Variants in MMP16 observed in about 807,000 individuals in gnomAD.
The protein encoded by MMP16 is matrix metallopeptidase 16, also known as matrix metalloproteinase-16.
In MMP16, 12 loss-of-function variants were observed where a neutral mutation model predicts 67.8. That is an observed-to-expected ratio of 0.18 (90% CI 0.11 to 0.29). The LOEUF is 0.29. Ranked by LOEUF, MMP16 falls within the 10% of genes least tolerant of loss-of-function variation. The pLI, the probability that MMP16 is intolerant of heterozygous loss-of-function variation, is 1.00. For synonymous variants in MMP16, 249 were observed against 255.9 expected, an observed-to-expected ratio of 0.97 and a Z score of 0.26; for missense variants, 475 against 765.7, an observed-to-expected ratio of 0.62 and a Z score of 4.48.
chr8:88,131,161 T>C (rs1808022164), intron 4 of MMP16, among the ~76,000 whole-genome samples: 2 of 151,760 alleles, frequency 1.3e-5, no homozygotes, highest in South Asian at 4.1e-4. Flanking sequence ...AAAGGCTTGG[T>C]GTAAATAACT....
Position 88,186,418 on chromosome 8 carries a change from C to A in MMP16, c.404+58G>T, listed in dbSNP as rs535067225. 6.3e-6 allele frequency: 10 copies of A among 1,598,496 alleles called. No homozygotes were observed. In the Admixed American group the frequency reaches 1.3e-4, roughly 21 times the overall value. On this transcript the variant is annotated intron_variant, in intron 3 of 9. Coordinates refer to ENST00000286614, the MANE Select transcript of MMP16 (RefSeq NM_005941.5). ...GTGCAGAAGATACTAAACTATGTGT[C>A]AAAACAAATAGTAATGAAATATGGG...
intron 6 of MMP16, among the ~76,000 whole-genome samples, chr8:88,104,936 A>C (rs1247220288): frequency 1.3e-5 from 2 of 151,574 alleles, no homozygotes; most frequent in Non-Finnish European, 3.0e-5. Context: ...AAGTTACAGT[A>C]AGCTAAGGTT....
At chr8:88,180,470 T>TA (rs992650744) in intron 3 of MMP16, among the ~76,000 whole-genome samples, 4 of 151,950 alleles carry the variant, frequency 2.6e-5, no homozygotes, top group Non-Finnish European at 5.9e-5. Context: ...TTATGCACAT[T>TA]AAAAAAACTA....
chr8:88,158,328 C>CACCT, intron 4 of MMP16, among the ~76,000 whole-genome samples: 1 of 152,294 alleles, frequency 6.6e-6, no homozygotes, highest in African/African-American at 2.4e-5. Context: ...TCCTCTCCAG[C>CACCT]ACCTGTTGTT....
intron 3 of MMP16, among the ~76,000 whole-genome samples, chr8:88,174,943 G>A (rs532958475): frequency 2.3e-3 from 349 of 152,036 alleles, no homozygotes; most frequent in African/African-American, 8.1e-3. Context: ...TAGTAGAGAT[G>A]GGGTTTCACC....
chr8:88,079,675 A>G (rs974843882), intron 6 of MMP16, among the ~76,000 whole-genome samples: 1 of 152,176 alleles, frequency 6.6e-6, no homozygotes, highest in Admixed American at 6.5e-5. Flanking sequence ...TGTCCCTTCA[A>G]ATTCTTATGT....
chr8:88,201,749 A>C lies in MMP16; in HGVS notation c.133-4443T>G, dbSNP rs868342254. ...TTTTCAGTATGAGACTTATAAACGC[A>C]CTGGCTAAATTTTGTTACAAAGTAA... On this transcript the variant is annotated intron_variant, in intron 1 of 9. Transcript: ENST00000286614. Among the ~76,000 whole-genome samples the C allele has an allele frequency of 1.3e-5, 2 of 152,256 alleles. 1 individual carries two copies.
At chr8:88,245,008 A>C (rs1162101016) in intron 1 of MMP16, among the ~76,000 whole-genome samples, 2 of 152,108 alleles carry the variant, frequency 1.3e-5, no homozygotes, top group Non-Finnish European at 2.9e-5. Flanking sequence ...GGGTAGGGGC[A>C]GGTGGTTAAG....
In MMP16 at chr8:88,174,578, T is replaced by C. The variant is rs77927250; in HGVS notation, c.405-6605A>G. 3.8e-3 allele frequency among the ~76,000 whole-genome samples: 575 copies of C among 152,292 alleles called. 6 individuals carry two copies. Among genetic ancestry groups the C allele is most frequent in the African/African-American group, 0.012 (503 of 41,568 alleles). On this transcript the variant is annotated intron_variant, in intron 3 of 9. Coordinates refer to ENST00000286614, the MANE Select transcript of MMP16 (RefSeq NM_005941.5). Reference sequence around the variant, plus strand: ...CCAAAAATGAAGATAACTCATATGATGTATAATTTAATTTTCCAATCATTT... The same window carrying C: ...CCAAAAATGAAGATAACTCATATGACGTATAATTTAATTTTCCAATCATTT...
At chr8:88,177,768 A>T (rs2129729536) in intron 3 of MMP16, among the ~76,000 whole-genome samples, 1 of 152,298 alleles carries the variant, frequency 6.6e-6, no homozygotes, top group East Asian at 1.9e-4. Context: ...GAAGAAAAAC[A>T]AAAAGCCTAA....
At chr8:88,315,870 C>T (rs1418528786) in intron 1 of MMP16, among the ~76,000 whole-genome samples, 1 of 152,084 alleles carries the variant, frequency 6.6e-6, no homozygotes, top group Non-Finnish European at 1.5e-5. Flanking sequence ...GAACAGTTAG[C>T]CAAGTTGTAA....
At chr8:88,246,511 A>G (rs1810114776) in intron 1 of MMP16, among the ~76,000 whole-genome samples, 1 of 152,216 alleles carries the variant, frequency 6.6e-6, no homozygotes, top group Admixed American at 6.5e-5. Flanking sequence ...TTATCAGTTT[A>G]GTGGGATATC....
intron 6 of MMP16, among the ~76,000 whole-genome samples, chr8:88,112,914 T>C (rs989888315): frequency 2.0e-5 from 3 of 151,808 alleles, no homozygotes; most frequent in Admixed American, 6.6e-5. Context: ...ATCTAGATTT[T>C]TTTATTTTTG....
chr8:88,149,152 C>T (rs12674820), intron 4 of MMP16, among the ~76,000 whole-genome samples: 2 of 152,016 alleles, frequency 1.3e-5, no homozygotes, highest in Non-Finnish European at 2.9e-5. Context: ...GCTTTTCAGA[C>T]GGGCTTAAAA....
intron 4 of MMP16, among the ~76,000 whole-genome samples, chr8:88,121,356 C>T (rs143896521): frequency 1.2e-3 from 185 of 152,020 alleles, no homozygotes; most frequent in African/African-American, 4.2e-3. Context: ...TGGCCAAGGG[C>T]TCCAAGTAAT....
chr8:88,289,381 A>C (rs1263210872), intron 1 of MMP16, among the ~76,000 whole-genome samples: 1 of 152,184 alleles, frequency 6.6e-6, no homozygotes, highest in Non-Finnish European at 1.5e-5. Context: ...AAAGCCAGTA[A>C]AATATCAAAT....
intron 1 of MMP16, among the ~76,000 whole-genome samples, chr8:88,199,430 A>AT (rs1809306257): frequency 6.6e-6 from 1 of 152,006 alleles, no homozygotes; most frequent in African/African-American, 2.4e-5. Context: ...ATTATTTTTA[A>AT]GTGTAAAATA....
At chr8:88,204,882 T>C (rs1254030753) in intron 1 of MMP16, among the ~76,000 whole-genome samples, 7 of 152,206 alleles carry the variant, frequency 4.6e-5, no homozygotes, top group African/African-American at 1.7e-4. Flanking sequence ...CTTTTCCTTT[T>C]CCATCATGCA....
At chr8:88,242,908 T>C (rs1485292914) in intron 1 of MMP16, among the ~76,000 whole-genome samples, 3 of 152,162 alleles carry the variant, frequency 2.0e-5, no homozygotes, top group African/African-American at 7.2e-5. Flanking sequence ...TTTGTTAGCA[T>C]ATATTACCAA....
Sources: gnomAD v4.1 joint callset for allele counts (sites outside exome capture counted in the v4.1 genomes callset) on GRCh38, gnomAD v4.1.1 for gene constraint, MANE v1.5 for transcripts, NCBI Gene and HGNC (gene_info 2026-07-23, HGNC 2026-07-21) for gene names.